The following ZNF16 variants were observed in gnomAD, a reference collection of about 807,000 sequenced individuals.
ZNF16 encodes zinc finger protein 16, also known as zinc finger protein KOX9.
ZNF16 carries 7 observed loss-of-function variants against 9.0 expected under a neutral mutation model. The observed-to-expected ratio is 0.78, with a 90% confidence interval of 0.44 to 1.47. The LOEUF is 1.47. Ranked by LOEUF, ZNF16 falls within the 40% of genes most tolerant of loss-of-function variation. The pLI is 0.01. For missense variants in ZNF16, 830 were observed against 854.2 expected, an observed-to-expected ratio of 0.97 and a Z score of 0.35; for synonymous variants, 312 against 301.5, an observed-to-expected ratio of 1.03 and a Z score of -0.36.
chr8:144,947,882 CCTCA>C (rs1834002297), intron 1 of ZNF16: 1 of 152,416 alleles, frequency 6.6e-6, no homozygotes, highest in Non-Finnish European at 1.5e-5. Context: ...TTCCCCCACC[CCTCA>C]CTGTGTAAAT....
At chr8:144,943,527 CTTTTTTT>C (rs1253537154) in intron 2 of ZNF16, among the ~76,000 whole-genome samples, 1 of 148,422 alleles carries the variant, frequency 6.7e-6, no homozygotes, top group South Asian at 2.1e-4. Flanking sequence ...TTTCTTTTTT[CTTTTTTT>C]TTTGAGACAG....
intron 1 of ZNF16, among the ~76,000 whole-genome samples, chr8:144,946,492 A>G (rs1029439525): frequency 7.3e-5 from 11 of 151,622 alleles, no homozygotes; most frequent in Non-Finnish European, 1.5e-5. Flanking sequence ...CAGACCTGCC[A>G]TGATAGGAGG....
At chr8:144,935,822 G>A (rs1278424636) in intron 2 of ZNF16, among the ~76,000 whole-genome samples, 1 of 152,170 alleles carries the variant, frequency 6.6e-6, no homozygotes, top group Non-Finnish European at 1.5e-5. Context: ...TCAGAGCCTC[G>A]GCTGGGCTGT....
Position 144,945,966 on chromosome 8 carries a change from C to A in ZNF16, c.196+45G>T, listed in dbSNP as rs1056221960. On this transcript the variant is annotated intron_variant, in intron 2 of 2. Transcript: ENST00000394909. ...TAAGCACAGGGTTCCATGGACATCA[C>A]TTCCCCAGAATAAGGGCACCAGCGG... 16 of 1,607,880 alleles carry A rather than the reference C, an allele frequency of 1.0e-5. No homozygotes were observed. The Admixed American group carries it at 2.7e-4, about 27-fold the overall frequency.
chr8:144,931,749 C>T lies in ZNF16; in HGVS notation c.1038G>A (p.Glu346=), dbSNP rs764790338. 1 of 1,614,122 alleles carries T rather than the reference C, an allele frequency of 6.2e-7. No individual in the cohort carries two copies. Among genetic ancestry groups the T allele is most frequent in the Non-Finnish European group, 8.5e-7 (1 of 1,179,976 alleles). ...CACACTCACTGCACACATACGGTTTCTCCCCAGAATGGATTCTTTGATGTT... is the reference window on the plus strand; with the variant it reads ...CACACTCACTGCACACATACGGTTTTTCCCCAGAATGGATTCTTTGATGTT... ...LIQHQRIHSG[E]KPYVCSECGK... Residue 346 remains glutamate (E), a synonymous_variant, in exon 3 of 3, where the codon GAG becomes GAA. Transcript: ENST00000394909.
chr8:144,930,579 G>A lies in ZNF16; in HGVS notation c.*159C>T. 1 of 733,810 alleles carries A rather than the reference G, an allele frequency of 1.4e-6. No homozygotes were observed. Among genetic ancestry groups the A allele is most frequent in the East Asian group, 2.6e-5 (1 of 38,308 alleles). The allele number at this position is 733,810 out of a possible 1,614,324, so 45.5% of individuals were successfully genotyped here. A position where few individuals can be genotyped will look rare whatever the true frequency, so the allele number is the denominator to read the frequency against. ...TGGCAGTGAGAAGGGAGCCTGTAAAGGATGTTTCAAAGGAGGGTCCCAGGC... is the reference window on the plus strand; with the variant it reads ...TGGCAGTGAGAAGGGAGCCTGTAAAAGATGTTTCAAAGGAGGGTCCCAGGC... On this transcript the variant is annotated 3_prime_UTR_variant, in exon 3 of 3. Coordinates refer to ENST00000394909, the MANE Select transcript of ZNF16 (RefSeq NM_006958.3).
intron 2 of ZNF16, among the ~76,000 whole-genome samples, chr8:144,937,141 CTCTTTT>C (rs542861326): frequency 0.019 from 1,769 of 92,966 alleles, 15 homozygotes; most frequent in African/African-American, 0.032. Flanking sequence ...TTCTTTCTCT[CTCTTTT>C]TTTTTTTTTT....
At chr8:144,946,488 T>C (rs1338135020) in intron 1 of ZNF16, among the ~76,000 whole-genome samples, 2 of 151,950 alleles carry the variant, frequency 1.3e-5, no homozygotes, top group East Asian at 3.9e-4. Flanking sequence ...TGCCCAGACC[T>C]GCCATGATAG....
chr8:144,942,258 A>G (rs184078013), intron 2 of ZNF16, among the ~76,000 whole-genome samples: 4,252 of 144,682 alleles, frequency 0.029, 131 homozygotes, highest in African/African-American at 0.083. Flanking sequence ...GATTACAGGC[A>G]TGAGCCACCA....
chr8:144,936,010 C>A (rs985639469), intron 2 of ZNF16, among the ~76,000 whole-genome samples: 1 of 152,212 alleles, frequency 6.6e-6, no homozygotes, highest in Non-Finnish European at 1.5e-5. Flanking sequence ...TATGCAACCA[C>A]CACCTCTATT....
intron 2 of ZNF16, among the ~76,000 whole-genome samples, chr8:144,943,305 A>G (rs1833847382): frequency 6.6e-6 from 1 of 152,140 alleles, no homozygotes; most frequent in Admixed American, 6.6e-5. Context: ...TTGATTAGAA[A>G]GAGACCTGGT....
At chr8:144,947,122 C>T (rs1223875435) in intron 1 of ZNF16, among the ~76,000 whole-genome samples, 1 of 130,620 alleles carries the variant, frequency 7.7e-6, no homozygotes, top group African/African-American at 3.2e-5. Context: ...GCTGTGGGGC[C>T]TGTACCCTGC....
Position 144,930,654 on chromosome 8 carries a change from G to A in ZNF16, c.*84C>T. 1 of 1,453,420 alleles carries A rather than the reference G, an allele frequency of 6.9e-7. No homozygotes were observed. The highest frequency in any genetic ancestry group is 1.4e-5 in the South Asian group (1 of 70,066). The allele number at this position is 1,453,420 out of a possible 1,614,324, so 90.0% of individuals were successfully genotyped here. On this transcript the variant is annotated 3_prime_UTR_variant, in exon 3 of 3. Coordinates refer to ENST00000394909, the MANE Select transcript of ZNF16 (RefSeq NM_006958.3). ...TGAGCTGAGTCCAGGCTTTCGGTCTGGGAAGTGGCAGAGGCTGAGACAATG... is the reference window on the plus strand; with the variant it reads ...TGAGCTGAGTCCAGGCTTTCGGTCTAGGAAGTGGCAGAGGCTGAGACAATG...
At position 144,931,190 on chromosome 8, in the gene ZNF16, T is replaced by TGAGGTTGGAGCTGCGACCA. The variant is rs1406912723; in HGVS notation, c.1578_1596dup (p.Ile533TrpfsTer20). ...CCAGTGTGGACTCGCTGGTGAAGGA[T>TGAGGTTGGAGCTGCGACCA]GAGGTTGGAGCTGCGACCAAAGGTC... On this transcript the variant is annotated frameshift_variant, in exon 3 of 3. Transcript: ENST00000394909. LOFTEE classifies it high-confidence loss of function. 2 of 1,613,880 alleles carry TGAGGTTGGAGCTGCGACCA rather than the reference T, an allele frequency of 1.2e-6. No homozygotes were observed. The highest frequency in any genetic ancestry group is 1.7e-6 in the Non-Finnish European group (2 of 1,179,980).
intron 2 of ZNF16, among the ~76,000 whole-genome samples, chr8:144,937,109 T>C (rs1412582526): frequency 6.0e-5 from 9 of 151,148 alleles, no homozygotes; most frequent in African/African-American, 1.5e-4. Context: ...TTCCCCCCAT[T>C]CTGCAGGATG....
chr8:144,931,887 T>C lies in ZNF16; in HGVS notation c.900A>G (p.Lys300=). ...ERPYMCNECG[K]AFSQNSSLKK... is the part of the protein sequence containing the mutation. ...TAAGGCTCGAGTTCTGGCTGAAGGC[T>C]TTTCCACATTCATTACACATATAAG... The change falls in exon 3 of 3, where the codon AAA becomes AAG. Residue 300 remains lysine (K), a synonymous_variant. Transcript: ENST00000394909. The C allele has an allele frequency of 6.2e-7, 1 of 1,614,224 alleles. No homozygotes were observed. Among genetic ancestry groups the C allele is most frequent in the South Asian group, 1.1e-5 (1 of 91,082 alleles).
intron 2 of ZNF16, among the ~76,000 whole-genome samples, chr8:144,939,069 T>C (rs1211250767): frequency 1.3e-5 from 2 of 152,232 alleles, no homozygotes; most frequent in Non-Finnish European, 2.9e-5. Context: ...ACCACCCTTA[T>C]ATCCTGGGTT....
Position 144,931,327 on chromosome 8 carries a change from T to C in ZNF16, c.1460A>G (p.Lys487Arg), listed in dbSNP as rs1586946940. ...RKHQIIHTGEKPYRCSVCGKA... is the reference protein window; with the variant it reads ...RKHQIIHTGERPYRCSVCGKA... ...CCCACAGACACTGCATCTGTACGGC[T>C]TCTCTCCCGTGTGGATGATCTGGTG... is the stretch of plus-strand genomic sequence containing the variant. The change falls in exon 3 of 3, where the codon AAG (lysine) becomes AGG (arginine). Residue 487 changes from lysine to arginine, a missense_variant. Transcript: ENST00000394909. 7 of 1,614,122 alleles carry C rather than the reference T, an allele frequency of 4.3e-6. No homozygotes were observed. In the East Asian group the frequency reaches 1.6e-4, roughly 36 times the overall value.
chr8:144,933,305 G>A lies in ZNF16; in HGVS notation c.197-715C>T, dbSNP rs1277031971. Among the ~76,000 whole-genome samples the A allele has an allele frequency of 6.6e-6, 1 of 152,158 alleles. No individual in the cohort carries two copies. The highest frequency in any genetic ancestry group is 2.4e-5 in the African/African-American group (1 of 41,444). ...CCTGTTCAACAGAGGACCCTTTAGA[G>A]ACTGCTGTGTCCTGTCAAAGCCACC... On this transcript the variant is annotated intron_variant, in intron 2 of 2. Coordinates refer to ENST00000394909, the MANE Select transcript of ZNF16 (RefSeq NM_006958.3). The surrounding 1 kb of genome is among the most constrained non-coding windows in gnomAD (Gnocchi z 5.6).
Sources: allele counts gnomAD v4.1 joint callset (sites outside exome capture counted in the v4.1 genomes callset), GRCh38; gene constraint gnomAD v4.1.1; non-coding constraint Gnocchi (gnomAD v3.1); transcripts MANE v1.5; gene names NCBI Gene and HGNC (gene_info 2026-07-23, HGNC 2026-07-21).